The following KTN1 variants were observed in gnomAD, a reference collection of about 807,000 sequenced individuals.
The protein encoded by KTN1 is kinectin.
KTN1 carries 130 observed loss-of-function variants against 222.5 expected under a neutral mutation model. The observed-to-expected ratio is 0.58, with a 90% CI of 0.51 to 0.68. The LOEUF (loss-of-function observed/expected upper bound fraction) is 0.68. KTN1 is among the 30% of genes least tolerant of loss of function. The pLI is 0.00. For synonymous variants in KTN1, 512 were observed against 496.3 expected (o/e 1.03, Z -0.42); for missense variants, 1,508 against 1,500.4 (o/e 1.01, Z -0.08).
chr14:55,584,552 T>A (rs1346007215), intron 1 of KTN1, among the ~76,000 whole-genome samples: 1 of 152,234 alleles, frequency 6.6e-6, no homozygotes, highest in Non-Finnish European at 1.5e-5. Context: ...AGTCTTTGCT[T>A]TTTAAATGTC....
At position 55,644,575 on chromosome 14, in the gene KTN1, T is replaced by C. The variant is rs1407589569; in HGVS notation, c.2173-2398T>C. On this transcript the variant is annotated intron_variant, in intron 18 of 43. Transcript: ENST00000395314. ...CAGAATAAGACTTTTTTTTTTTTTT[T>C]TTTTGCTGTGGGGGAGCACATTTTG... 12 of 472,148 alleles carry C rather than the reference T, an allele frequency of 2.5e-5. No homozygotes were observed. In the Admixed American group the frequency reaches 3.6e-4, roughly 14 times the overall value. 29.2% of individuals were successfully genotyped at this position (472,148 alleles called of 1,614,324 possible).
In KTN1 at chr14:55,653,061, A is replaced by G. The variant is rs1275066473; in HGVS notation, c.2739A>G (p.Glu913=). The G allele has an allele frequency of 1.3e-6, 2 of 1,599,728 alleles. No individual in the cohort carries two copies. The highest frequency in any genetic ancestry group is 1.7e-5 in the Admixed American group (1 of 59,916). The change falls in exon 27 of 44, where the codon GAA becomes GAG. Residue 913 remains glutamate, a synonymous_variant. Coordinates refer to ENST00000395314, the MANE Select transcript of KTN1 (RefSeq NM_001079521.2). ...AATCTTTAAAAGCACATGTTCAGGA[A>G]GTAGCACAACATAACTTGAAAGAGG... The part of the protein sequence containing the change: ...ENESLKAHVQ[E]VAQHNLKEAS...
In KTN1 at chr14:55,598,643, G is replaced by A. The variant is rs530077113; in HGVS notation, c.-30-13376G>A. Among the ~76,000 whole-genome samples, 7 of 152,198 alleles carry A rather than the reference G, an allele frequency of 4.6e-5. 1 individual carries two copies. In the South Asian group the frequency reaches 1.5e-3, roughly 32 times the overall value. ...ATTGCTTCTAAAAACTAATATTCCA[G>A]TGTTCAGCAGGGTCTAGAATTCTGT... On this transcript the variant is annotated intron_variant, in intron 1 of 43. Transcript: ENST00000395314.
intron 1 of KTN1, among the ~76,000 whole-genome samples, chr14:55,581,128 A>G (rs1231777888): frequency 1.3e-5 from 2 of 152,178 alleles, no homozygotes; most frequent in Non-Finnish European, 2.9e-5. Context: ...TCGCCGGAAA[A>G]CTACGCGGGA....
At chr14:55,640,112 T>C in intron 14 of KTN1, 109 bp downstream of exon 14, 1 of 752,886 alleles carries the variant, frequency 1.3e-6, no homozygotes, top group South Asian at 1.7e-5. Flanking sequence ...TAGTCTAGAA[T>C]TCATTTGAAA....
Position 55,676,246 on chromosome 14 carries a change from A to G in KTN1, c.3855+328A>G, listed in dbSNP as rs559814726. Among the ~76,000 whole-genome samples, 4 of 152,312 alleles carry G rather than the reference A, an allele frequency of 2.6e-5. No individual in the cohort carries two copies. The South Asian group carries it at 8.3e-4, about 32-fold the overall frequency. ...GGGATTTGGCTGTGTATTCATTTAC[A>G]AAGTATGTTTCTCTTGGTCTTTTGG... On this transcript the variant is annotated intron_variant, in intron 41 of 43. Coordinates refer to ENST00000395314, the MANE Select transcript of KTN1 (RefSeq NM_001079521.2).
chr14:55,662,812 T>TA, intron 32 of KTN1: 1 of 454,494 alleles, frequency 2.2e-6, no homozygotes, highest in South Asian at 1.6e-5. Context: ...ATAACAGTAC[T>TA]AACAGCATTG....
At chr14:55,615,796 TC>T (rs1393854856) in intron 2 of KTN1, among the ~76,000 whole-genome samples, 8 of 151,748 alleles carry the variant, frequency 5.3e-5, no homozygotes, top group Admixed American at 1.3e-4. Flanking sequence ...TTCCTTCCCT[TC>T]CCTTCCTTCT....
Position 55,649,840 on chromosome 14 carries a change from G to A in KTN1, c.2405+27G>A, listed in dbSNP as rs370828517. 15 of 1,368,244 alleles carry A rather than the reference G, an allele frequency of 1.1e-5. No homozygotes were observed. The African/African-American group carries it at 2.0e-4, about 19-fold the overall frequency. The allele number at this position is 1,368,244 out of a possible 1,614,324, so 84.8% of individuals were successfully genotyped here. On this transcript the variant is annotated intron_variant, in intron 22 of 43. Coordinates refer to ENST00000395314, the MANE Select transcript of KTN1 (RefSeq NM_001079521.2). ...TAAGTGATAACATTATTATAAACTG[G>A]TTTTTCTTCTTTGGTCCATTTTTTT...
At chr14:55,591,529 T>G (rs114836801) in intron 1 of KTN1, among the ~76,000 whole-genome samples, 2,250 of 152,198 alleles carry the variant, frequency 0.015, 32 homozygotes, top group African/African-American at 0.038. Context: ...AGTTAGCCTA[T>G]TGTGTGTGAA....
intron 18 of KTN1, chr14:55,644,493 T>G (rs1300316563): frequency 1.5e-6 from 1 of 685,710 alleles, no homozygotes; most frequent in Admixed American, 2.0e-5. Context: ...CATTTGGATT[T>G]AGGCTTGCAG....
At chr14:55,648,274 A>G (rs2042596444) in intron 20 of KTN1, among the ~76,000 whole-genome samples, 159 bp downstream of exon 20, 1 of 152,158 alleles carries the variant, frequency 6.6e-6, no homozygotes, top group African/African-American at 2.4e-5. Flanking sequence ...GTTTTTTTAG[A>G]AGTTAAAAAT....
At chr14:55,640,846 G>A in intron 15 of KTN1, 87 bp from the exon 16 acceptor site, 1 of 1,067,714 alleles carries the variant, frequency 9.4e-7, no homozygotes, top group Non-Finnish European at 1.4e-6. Flanking sequence ...TGGAAATACA[G>A]CTTTTTAATA....
rs28797903 is a variant in KTN1 at position 55,620,825 on chromosome 14, G to C, written c.963+1513G>C. Among the ~76,000 whole-genome samples, 876 of 152,240 alleles carry C rather than the reference G, an allele frequency of 5.8e-3. 7 individuals are homozygous for C. Among genetic ancestry groups the C allele is most frequent in the African/African-American group, 0.02 (844 of 41,542 alleles). ...ATGCTCTGGAGACATTTTCTCCATT[G>C]TTTTGGTGATTTACATTTGGTTCCT... On this transcript the variant is annotated intron_variant, in intron 5 of 43. Coordinates refer to ENST00000395314, the MANE Select transcript of KTN1 (RefSeq NM_001079521.2).
intron 1 of KTN1, among the ~76,000 whole-genome samples, chr14:55,584,137 A>G (rs538459379): frequency 6.6e-6 from 1 of 152,294 alleles, no homozygotes; most frequent in South Asian, 2.1e-4. Flanking sequence ...GACTTTCTCT[A>G]TGCACAGTGA....
intron 5 of KTN1, among the ~76,000 whole-genome samples, chr14:55,620,882 G>T (rs193245512): frequency 1.3e-5 from 2 of 152,296 alleles, no homozygotes; most frequent in African/African-American, 2.4e-5. Context: ...CAGCTGGCTT[G>T]AATTTCTCCT....
intron 2 of KTN1, among the ~76,000 whole-genome samples, chr14:55,615,819 T>C (rs1213263138): frequency 6.6e-6 from 1 of 151,808 alleles, no homozygotes; most frequent in Non-Finnish European, 1.5e-5. Flanking sequence ...TTCCTTCCTT[T>C]CCTTCCCTTC....
chr14:55,678,650 G>C (rs1269465287), intron 42 of KTN1: 8 of 493,724 alleles, frequency 1.6e-5, no homozygotes, highest in Non-Finnish European at 2.6e-5. Flanking sequence ...GTATGGAGCG[G>C]GGGTCCCCAA....
chr14:55,646,454 T>TTTCC lies in KTN1; in HGVS notation c.2173-517_2173-516insCCTT, dbSNP rs1566787923. 3.0e-3 allele frequency among the ~76,000 whole-genome samples: 227 copies of TTTCC among 76,172 alleles called. 10 individuals are homozygous for TTTCC. Among genetic ancestry groups the TTTCC allele is most frequent in the African/African-American group, 8.8e-3 (198 of 22,430 alleles). The allele number at this position is 76,172 out of a possible 152,430, so 50.0% of individuals were successfully genotyped here. On this transcript the variant is annotated intron_variant, in intron 18 of 43. Coordinates refer to ENST00000395314, the MANE Select transcript of KTN1 (RefSeq NM_001079521.2). The stretch of plus-strand genomic sequence containing the variant: ...TCCTTTCCTTTCCTTTTCCTTTTCC[T>TTTCC]TTTCCTTTTCCTTTCCTTTCCTTTC...
Sources: gnomAD v4.1 joint callset for allele counts (sites outside exome capture counted in the v4.1 genomes callset) on GRCh38, gnomAD v4.1.1 for gene constraint, MANE v1.5 for transcripts, NCBI Gene and HGNC (gene_info 2026-07-23, HGNC 2026-07-21) for gene names.